The following CSMD1 variants were observed in gnomAD, a reference collection of about 807,000 sequenced individuals.
CSMD1 encodes the protein CUB and Sushi multiple domains 1.
CSMD1 carries 213 observed loss-of-function variants against 417.5 expected under a neutral mutation model. The ratio of observed to expected loss-of-function variants is 0.51; its 90% CI spans 0.46 to 0.57. CSMD1 has a LOEUF of 0.57. Among genes scored for constraint, CSMD1 ranks in the 20% least tolerant of loss-of-function variants. The pLI is 0.00. For missense variants in CSMD1, 6,923 were observed against 4,529.7 expected, an observed-to-expected ratio of 1.53 and a Z score of -15.17; for synonymous variants, 2,862 against 1,736.8, an observed-to-expected ratio of 1.65 and a Z score of -16.11.
At chr8:3,441,003 A>G (rs887102193) in intron 12 of CSMD1, among the ~76,000 whole-genome samples, 6 of 152,206 alleles carry the variant, frequency 3.9e-5, no homozygotes, top group African/African-American at 1.2e-4. Context: ...AGATTAGATC[A>G]TCCTGGATTA....
At chr8:4,651,259 C>G (rs569748192) in intron 1 of CSMD1, among the ~76,000 whole-genome samples, 5 of 152,126 alleles carry the variant, frequency 3.3e-5, no homozygotes, top group African/African-American at 4.8e-5. Flanking sequence ...TTTTATAAAT[C>G]ATAAAAAGCA....
At chr8:3,645,740 G>A (rs895755911) in intron 7 of CSMD1, among the ~76,000 whole-genome samples, 1 of 152,184 alleles carries the variant, frequency 6.6e-6, no homozygotes, top group South Asian at 2.1e-4. Context: ...CTGGCATCTG[G>A]AGGCAAAAGT....
intron 1 of CSMD1, among the ~76,000 whole-genome samples, chr8:4,755,893 C>T (rs913753713): frequency 2.0e-5 from 3 of 152,122 alleles, no homozygotes; most frequent in Non-Finnish European, 2.9e-5. Context: ...ATGGGCTGCT[C>T]GGCCTTCAGT....
intron 15 of CSMD1, among the ~76,000 whole-genome samples, chr8:3,403,673 G>T (rs941362794): frequency 6.6e-6 from 1 of 152,166 alleles, no homozygotes; most frequent in Non-Finnish European, 1.5e-5. Flanking sequence ...AGATGAGAGT[G>T]TAGTGTTCAC....
chr8:3,988,767 T>A (rs979925737), intron 5 of CSMD1, among the ~76,000 whole-genome samples: 1 of 152,224 alleles, frequency 6.6e-6, no homozygotes, highest in Non-Finnish European at 1.5e-5. Flanking sequence ...CAGCCCTGAA[T>A]GTGAAACAAT....
In CSMD1 at chr8:3,658,464, G is replaced by GTATATATATATA. The variant is rs113956125; in HGVS notation, c.1010-41668_1010-41667insTATATATATATA. On this transcript the variant is annotated intron_variant, in intron 7 of 69. Transcript: ENST00000635120. ...CACATATATCTATAATATATATATT[G>GTATATATATATA]TGTATATATATATATATTTAATTTA... Among the ~76,000 whole-genome samples, 1,166 of 144,120 alleles carry GTATATATATATA rather than the reference G, an allele frequency of 8.1e-3. 17 individuals are homozygous for GTATATATATATA. Among genetic ancestry groups the GTATATATATATA allele is most frequent in the South Asian group, 0.011 (53 of 4,644 alleles). 94.5% of individuals were successfully genotyped at this position (144,120 alleles called of 152,430 possible).
intron 5 of CSMD1, among the ~76,000 whole-genome samples, chr8:3,822,531 C>A (rs1444654124): frequency 6.6e-6 from 1 of 152,184 alleles, no homozygotes; most frequent in Non-Finnish European, 1.5e-5. Flanking sequence ...TAATTAATGT[C>A]TTCCCCGACA....
intron 3 of CSMD1, among the ~76,000 whole-genome samples, chr8:4,403,519 T>C (rs78494230): frequency 0.03 from 4,584 of 152,302 alleles, 104 homozygotes; most frequent in Non-Finnish European, 0.049. Flanking sequence ...TCATCAGTCA[T>C]GACTTAGTAT....
chr8:3,200,439 C>T (rs754146148), intron 32 of CSMD1, among the ~76,000 whole-genome samples: 1 of 151,768 alleles, frequency 6.6e-6, no homozygotes, highest in Non-Finnish European at 1.5e-5. Context: ...CCTGTAATCC[C>T]AGCCACTCAG....
chr8:3,820,731 G>A (rs761956040), intron 5 of CSMD1, among the ~76,000 whole-genome samples: 7 of 151,914 alleles, frequency 4.6e-5, no homozygotes, highest in African/African-American at 1.5e-4. Context: ...ATGCGCCACC[G>A]TGCCTGGCAA....
chr8:4,062,585 T>C (rs1056279456), intron 3 of CSMD1, among the ~76,000 whole-genome samples: 1 of 152,188 alleles, frequency 6.6e-6, no homozygotes, highest in Non-Finnish European at 1.5e-5. Flanking sequence ...AAGTTTTCAG[T>C]GATACGTCCC....
At chr8:4,824,687 T>C (rs1219050649) in intron 1 of CSMD1, among the ~76,000 whole-genome samples, 1 of 152,150 alleles carries the variant, frequency 6.6e-6, no homozygotes, top group Non-Finnish European at 1.5e-5. Flanking sequence ...GCGTACACAT[T>C]TCTATCCACT....
intron 3 of CSMD1, among the ~76,000 whole-genome samples, chr8:4,098,912 T>A (rs1476738528): frequency 1.3e-5 from 2 of 152,180 alleles, no homozygotes; most frequent in Admixed American, 6.5e-5. Context: ...TTAGAACCAG[T>A]ATTAGAGACT....
Position 3,160,662 on chromosome 8 carries a change from C to T in CSMD1, c.5844+1497G>A, listed in dbSNP as rs138850814. On this transcript the variant is annotated intron_variant, in intron 38 of 69. Transcript: ENST00000635120. ...AATGTAAGTGGTAGGTTTGTTCTTACGAAGGTGGCTTTATACATTGATACT... is the reference window on the plus strand; with the variant it reads ...AATGTAAGTGGTAGGTTTGTTCTTATGAAGGTGGCTTTATACATTGATACT... 3.7e-3 allele frequency among the ~76,000 whole-genome samples: 560 copies of T among 152,278 alleles called. 6 individuals carry two copies. Among genetic ancestry groups the T allele is most frequent in the Non-Finnish European group, 5.9e-3 (400 of 68,016 alleles).
intron 2 of CSMD1, among the ~76,000 whole-genome samples, chr8:4,630,358 GA>G (rs1464823660): frequency 1.3e-5 from 2 of 151,924 alleles, no homozygotes; most frequent in Non-Finnish European, 2.9e-5. Context: ...TAGGGAAGGA[GA>G]GAATTAGGTA....
chr8:3,227,444 G>T (rs906718469), intron 27 of CSMD1, among the ~76,000 whole-genome samples: 1 of 152,020 alleles, frequency 6.6e-6, no homozygotes, highest in Non-Finnish European at 1.5e-5. Flanking sequence ...AGAAATATGC[G>T]AGTTTGTAGA....
intron 41 of CSMD1, chr8:3,127,337 A>C (rs1817563045): frequency 6.6e-6 from 1 of 152,172 alleles, no homozygotes; most frequent in South Asian, 2.1e-4. Flanking sequence ...CTAATTACTC[A>C]AAGTCGCTCA....
intron 50 of CSMD1, among the ~76,000 whole-genome samples, chr8:3,033,579 T>C (rs1242260045): frequency 6.6e-6 from 1 of 151,714 alleles, no homozygotes; most frequent in African/African-American, 2.4e-5. Context: ...GAGGGGAACA[T>C]CACACACCAG....
At chr8:3,251,396 G>A (rs900049373) in intron 26 of CSMD1, among the ~76,000 whole-genome samples, 15 of 152,198 alleles carry the variant, frequency 9.9e-5, no homozygotes, top group African/African-American at 3.6e-4. Context: ...TTATTTCTGA[G>A]GGCTCTGTTC....
Sources: allele counts gnomAD v4.1 joint callset (sites outside exome capture counted in the v4.1 genomes callset), GRCh38; gene constraint gnomAD v4.1.1; transcripts MANE v1.5; gene names NCBI Gene and HGNC (gene_info 2026-07-23, HGNC 2026-07-21).